Variants in DLG2 observed in about 807,000 individuals in gnomAD.
The protein encoded by DLG2 is disks large homolog 2.
Under a neutral mutation model 132.5 loss-of-function variants are expected in DLG2, and 45 were observed. That is an observed-to-expected ratio of 0.34 (90% confidence interval 0.27 to 0.44). DLG2 has a LOEUF of 0.44. Ranked by LOEUF, DLG2 falls within the 20% of genes least tolerant of loss-of-function variation. The probability of loss-of-function intolerance (pLI) is 1.00; values close to 1 mark genes in which losing one functional copy is unlikely to be tolerated. For missense variants in DLG2, 1,045 were observed against 1,196.9 expected, an observed-to-expected ratio of 0.87 and a Z score of 1.87; for synonymous variants, 424 against 419.6, an observed-to-expected ratio of 1.01 and a Z score of -0.13.
intron 7 of DLG2, among the ~76,000 whole-genome samples, chr11:84,438,669 T>C (rs2099008433): frequency 1.3e-5 from 2 of 152,146 alleles, no homozygotes; most frequent in Admixed American, 1.3e-4. Context: ...GTGAGGCACC[T>C]TTAAGATAAG....
At position 83,471,732 on chromosome 11, in the gene DLG2, A is replaced by G; in HGVS notation, c.2345-5T>C. ...TCACCGGCCGGGTGTAGTTTACTGC[A>G]GAATGGGAAAGGAAGATGTAGGTAA... is the stretch of plus-strand genomic sequence containing the variant. On this transcript the variant is annotated splice_region_variant and splice_polypyrimidine_tract_variant and intron_variant, in intron 23 of 27. Coordinates refer to ENST00000376104, the MANE Select transcript of DLG2 (RefSeq NM_001142699.3). 1 of 1,610,420 alleles carries G rather than the reference A, an allele frequency of 6.2e-7. No homozygotes were observed. Among genetic ancestry groups the G allele is most frequent in the South Asian group, 1.1e-5 (1 of 90,934 alleles).
Position 84,438,343 on chromosome 11 carries a change from T to C in DLG2, c.519+96227A>G, listed in dbSNP as rs147577721. On this transcript the variant is annotated intron_variant, in intron 7 of 27. Transcript: ENST00000376104. ...TGAAGGTCCGTAGTTTTAGAAGTCA[T>C]TAGTTGTACCTGTAAAAGAACTGAG... is the stretch of plus-strand genomic sequence containing the variant. Among the ~76,000 whole-genome samples the C allele has an allele frequency of 1.2e-3, 181 of 152,278 alleles. 4 individuals carry two copies. In the East Asian group the frequency reaches 0.031, roughly 26 times the overall value.
intron 6 of DLG2, among the ~76,000 whole-genome samples, chr11:85,008,176 T>C (rs1398360488): frequency 6.6e-6 from 1 of 151,318 alleles, no homozygotes. Context: ...TATAAAACTT[T>C]TCATTTTATG....
intron 15 of DLG2, among the ~76,000 whole-genome samples, chr11:83,886,119 G>A (rs1375842474): frequency 6.6e-6 from 1 of 151,336 alleles, no homozygotes; most frequent in African/African-American, 2.4e-5. Context: ...AACTGTAAGT[G>A]GACTAAATGC....
At chr11:84,724,287 GA>G (rs1565785748) in intron 6 of DLG2, among the ~76,000 whole-genome samples, 2 of 152,098 alleles carry the variant, frequency 1.3e-5, no homozygotes, top group East Asian at 3.9e-4. Context: ...ACATTTTTAT[GA>G]ATGTAAAGTA....
intron 26 of DLG2, among the ~76,000 whole-genome samples, chr11:83,462,336 C>T (rs1422752389): frequency 2.0e-5 from 3 of 152,144 alleles, no homozygotes; most frequent in Admixed American, 6.5e-5. Flanking sequence ...AAATATGTCT[C>T]CTTATGATTT....
At chr11:84,677,124 G>A (rs2099714353) in intron 6 of DLG2, among the ~76,000 whole-genome samples, 2 of 152,004 alleles carry the variant, frequency 1.3e-5, no homozygotes, top group Admixed American at 1.3e-4. Flanking sequence ...AAATGTAGGT[G>A]CGTGACTAAA....
chr11:83,945,646 A>C (rs908454885), intron 14 of DLG2, among the ~76,000 whole-genome samples: 1 of 152,196 alleles, frequency 6.6e-6, no homozygotes, highest in Admixed American at 6.5e-5. Flanking sequence ...TAAATAGCTG[A>C]TGCCTTTAGT....
intron 3 of DLG2, among the ~76,000 whole-genome samples, chr11:85,303,665 T>C (rs1425227323): frequency 1.3e-5 from 2 of 152,202 alleles, no homozygotes; most frequent in African/African-American, 4.8e-5. Context: ...TGTGTGTATG[T>C]CTGTGTGCGT....
intron 3 of DLG2, among the ~76,000 whole-genome samples, chr11:85,380,172 G>GT (rs11427306): frequency 0.78 from 118,160 of 152,050 alleles, 46,354 homozygotes; most frequent in Middle Eastern, 0.87. Context: ...TACAAAAAAT[G>GT]TAAGACATGA....
At chr11:83,480,228 C>T in intron 22 of DLG2, 1 of 685,366 alleles carries the variant, frequency 1.5e-6, no homozygotes, top group Non-Finnish European at 2.5e-6. Context: ...TTTCCACATC[C>T]AGTGATTTCA....
chr11:84,817,948 A>C (rs139489363), intron 6 of DLG2, among the ~76,000 whole-genome samples: 1 of 151,990 alleles, frequency 6.6e-6, no homozygotes, highest in Non-Finnish European at 1.5e-5. Context: ...AATCATAACA[A>C]TTATATATTA....
At chr11:85,547,387 G>A (rs1028007266) in intron 3 of DLG2, among the ~76,000 whole-genome samples, 1 of 152,164 alleles carries the variant, frequency 6.6e-6, no homozygotes, top group Admixed American at 6.5e-5. Flanking sequence ...CCCTTTGTGG[G>A]TAACCTGACC....
At chr11:83,980,020 C>G (rs1433695244) in intron 12 of DLG2, among the ~76,000 whole-genome samples, 2 of 152,170 alleles carry the variant, frequency 1.3e-5, no homozygotes, top group Non-Finnish European at 2.9e-5. Context: ...ACTCATAAAT[C>G]TGCTGTCTCT....
At chr11:84,038,997 G>A (rs974658484) in intron 11 of DLG2, among the ~76,000 whole-genome samples, 7 of 151,868 alleles carry the variant, frequency 4.6e-5, no homozygotes, top group Non-Finnish European at 8.8e-5. Flanking sequence ...ATGACACGTG[G>A]GCATTATGGG....
chr11:84,423,005 T>A (rs2098955576), intron 7 of DLG2, among the ~76,000 whole-genome samples: 2 of 152,172 alleles, frequency 1.3e-5, no homozygotes, highest in African/African-American at 4.8e-5. Context: ...TTATAAGTAT[T>A]TCTGAAACAT....
At chr11:85,552,304 A>G (rs1293948533) in intron 3 of DLG2, among the ~76,000 whole-genome samples, 1 of 151,608 alleles carries the variant, frequency 6.6e-6, no homozygotes, top group Non-Finnish European at 1.5e-5. Flanking sequence ...GAATACCCAA[A>G]AGAAATAAAT....
chr11:85,401,038 AAG>A, intron 3 of DLG2, among the ~76,000 whole-genome samples: 1 of 152,022 alleles, frequency 6.6e-6, no homozygotes, highest in African/African-American at 2.4e-5. Flanking sequence ...ACAAAAAAAA[AAG>A]AGAATTTTAG....
chr11:85,416,978 T>A (rs986762489), intron 3 of DLG2, among the ~76,000 whole-genome samples: 1 of 152,162 alleles, frequency 6.6e-6, no homozygotes, highest in South Asian at 2.1e-4. Context: ...TCCAATACTA[T>A]ATCGAATAGG....
Sources: gnomAD v4.1 joint callset for allele counts (sites outside exome capture counted in the v4.1 genomes callset) on GRCh38, gnomAD v4.1.1 for gene constraint, MANE v1.5 for transcripts, NCBI Gene and HGNC (gene_info 2026-07-23, HGNC 2026-07-21) for gene names.